ATAD2B: variants seen among roughly 807,000 people sequenced by gnomAD.
ATAD2B encodes the protein ATPase family AAA domain-containing protein 2B.
In ATAD2B, 40 loss-of-function variants were observed where a neutral mutation model predicts 167.6. That is an observed-to-expected ratio of 0.24 (90% CI 0.19 to 0.31). ATAD2B has a LOEUF of 0.31. Ranked by LOEUF, ATAD2B falls within the 10% of genes least tolerant of loss-of-function variation. The probability of loss-of-function intolerance (pLI) is 1.00; values close to 1 mark genes in which losing one functional copy is unlikely to be tolerated. For missense variants in ATAD2B, 1,242 were observed against 1,757.2 expected, an observed-to-expected ratio of 0.71 and a Z score of 5.24; for synonymous variants, 579 against 596.5, an observed-to-expected ratio of 0.97 and a Z score of 0.43.
At chr2:23,730,960 T>C in the ATAD2B span, among the ~76,000 whole-genome samples, 1 of 151,510 alleles carries the variant, frequency 6.6e-6, no homozygotes, top group East Asian at 1.9e-4. Flanking sequence ...AAATTGCCAA[T>C]ATCAGGAACA....
chr2:23,757,487 A>T lies in ATAD2B; in HGVS notation c.4009T>A (p.Cys1337Ser), dbSNP rs1676088078. Residue 1337 changes from cysteine to serine, a missense_variant, in exon 25 of 28, where the codon TGT becomes AGT. Physicochemically the swap from Cys to Ser is moderately radical, Grantham distance 112. Transcript: ENST00000238789. ...DDLEKLEALE[C>S]SNNEKLEPGS... ...GGTTCTAACTTCTCATTATTGCTACATTCCAGTGCCTCTAGTTTCTCAAGA... is the reference window on the plus strand; with the variant it reads ...GGTTCTAACTTCTCATTATTGCTACTTTCCAGTGCCTCTAGTTTCTCAAGA... 3.2e-6 allele frequency: 5 copies of T among 1,546,748 alleles called. No individual in the cohort carries two copies. The highest frequency in any genetic ancestry group is 4.3e-6 in the Non-Finnish European group (5 of 1,153,160).
At chr2:23,877,146 G>A (rs1343013435) in intron 7 of ATAD2B, among the ~76,000 whole-genome samples, 1 of 151,142 alleles carries the variant, frequency 6.6e-6, no homozygotes, top group East Asian at 1.9e-4. Flanking sequence ...TTTTTTACAG[G>A]CTGGGCAGGG....
In ATAD2B at chr2:23,828,829, A is replaced by C. The variant is rs762221481; in HGVS notation, c.1819+20T>G. The C allele has an allele frequency of 1.6e-5, 25 of 1,546,834 alleles. No individual in the cohort carries two copies. The highest frequency in any genetic ancestry group is 3.4e-5 in the Admixed American group (2 of 58,080). On this transcript the variant is annotated intron_variant, in intron 15 of 27. Transcript: ENST00000238789. ...CAGAACAAACAATGACAATCAAAAA[A>C]TTCAAACAGTAACACTCACCAACAC...
chr2:23,684,739 C>T, the ATAD2B span, among the ~76,000 whole-genome samples: 1 of 152,286 alleles, frequency 6.6e-6, no homozygotes, highest in Non-Finnish European at 1.5e-5. The surrounding 1 kb of genome is among the most constrained non-coding windows in gnomAD (Gnocchi z 4.4). Context: ...CCAGCACCCG[C>T]CCCCACCCAC....
chr2:23,770,108 G>A (rs904573337), intron 22 of ATAD2B, among the ~76,000 whole-genome samples: 10 of 150,690 alleles, frequency 6.6e-5, no homozygotes, highest in Non-Finnish European at 1.0e-4. Flanking sequence ...TCAGGAGTTC[G>A]AGACCAGCCT....
At chr2:23,791,306 T>C (rs192825110) in intron 19 of ATAD2B, among the ~76,000 whole-genome samples, 1 of 151,924 alleles carries the variant, frequency 6.6e-6, no homozygotes, top group Non-Finnish European at 1.5e-5. Flanking sequence ...TAACTAGGAG[T>C]GGAATTGCTG....
intron 22 of ATAD2B, among the ~76,000 whole-genome samples, chr2:23,767,242 G>A (rs1677574042): frequency 1.3e-5 from 2 of 151,404 alleles, no homozygotes; most frequent in South Asian, 2.1e-4. Flanking sequence ...CATTTTTCCC[G>A]CCAAAACACT....
chr2:23,762,110 T>C (rs961951032), intron 24 of ATAD2B, 99 bp downstream of exon 24: 5 of 1,249,632 alleles, frequency 4.0e-6, no homozygotes, highest in Non-Finnish European at 5.5e-6. Flanking sequence ...AAAAGAGCTA[T>C]GGGAAAAGAG....
intron 2 of ATAD2B, among the ~76,000 whole-genome samples, chr2:23,895,292 T>C (rs1018284301): frequency 6.6e-6 from 1 of 152,116 alleles, no homozygotes; most frequent in African/African-American, 2.4e-5. Context: ...TTAAACTTAA[T>C]TTTAGTCAGT....
At chr2:23,785,396 A>G (rs2149401620) in intron 21 of ATAD2B, among the ~76,000 whole-genome samples, 1 of 152,268 alleles carries the variant, frequency 6.6e-6, no homozygotes, top group Admixed American at 6.5e-5. Context: ...TGTAGTTGAT[A>G]GTATTAGATT....
At chr2:23,837,174 G>A (rs749832688) in intron 13 of ATAD2B, among the ~76,000 whole-genome samples, 3 of 152,238 alleles carry the variant, frequency 2.0e-5, no homozygotes, top group African/African-American at 4.8e-5. Flanking sequence ...GCAGCAGGGG[G>A]TTGGCATGTA....
intron 15 of ATAD2B, among the ~76,000 whole-genome samples, chr2:23,824,511 T>A (rs1177591309): frequency 6.6e-6 from 1 of 152,224 alleles, no homozygotes; most frequent in Non-Finnish European, 1.5e-5. Flanking sequence ...CCCATAATTA[T>A]CATTTAAAAT....
chr2:23,813,633 C>A (rs1189419063), intron 17 of ATAD2B, among the ~76,000 whole-genome samples: 2 of 151,376 alleles, frequency 1.3e-5, no homozygotes, highest in East Asian at 1.9e-4. Context: ...GTAGTCCCAG[C>A]CACCAGGAGG....
At chr2:23,819,403 A>C (rs1010544561) in intron 17 of ATAD2B, among the ~76,000 whole-genome samples, 1 of 151,858 alleles carries the variant, frequency 6.6e-6, no homozygotes, top group African/African-American at 2.4e-5. Context: ...AGGTACGAGA[A>C]TAGCTTAAAC....
At chr2:23,693,590 G>T in the ATAD2B span, 1 of 1,489,210 alleles carries the variant, frequency 6.7e-7, no homozygotes, top group Admixed American at 2.0e-5. Context: ...GCGGCAATGG[G>T]GTCTGCAGCA....
intron 18 of ATAD2B, among the ~76,000 whole-genome samples, chr2:23,798,840 A>G (rs1373605982): frequency 6.6e-6 from 1 of 152,228 alleles, no homozygotes; most frequent in Non-Finnish European, 1.5e-5. Context: ...TTGCTGAAAC[A>G]GTCATTCACC....
intron 18 of ATAD2B, 42 bp downstream of exon 18, chr2:23,810,270 TAAGC>T (rs1251585553): frequency 6.6e-7 from 1 of 1,507,978 alleles, no homozygotes; most frequent in East Asian, 2.3e-5. Flanking sequence ...TACCAAATTA[TAAGC>T]AATAAGAAAG....
At chr2:23,747,437 C>CAA (rs1491193827), downstream of ATAD2B, among the ~76,000 whole-genome samples, 5 of 151,680 alleles carry the variant, frequency 3.3e-5, no homozygotes, top group Non-Finnish European at 5.9e-5. Context: ...TATGAAAGGT[C>CAA]ACACACACAA....
chr2:23,713,962 G>A, the ATAD2B span, among the ~76,000 whole-genome samples: 1 of 152,062 alleles, frequency 6.6e-6, no homozygotes, highest in Non-Finnish European at 1.5e-5. Flanking sequence ...AGGTTAAATA[G>A]GTTTCTTTAC....
Sources: gnomAD v4.1 joint callset for allele counts (sites outside exome capture counted in the v4.1 genomes callset) on GRCh38, gnomAD v4.1.1 for gene constraint, Gnocchi (gnomAD v3.1) non-coding constraint, MANE v1.5 for transcripts, NCBI Gene and HGNC (gene_info 2026-07-23, HGNC 2026-07-21) for gene names.